ACOXL: variants seen among roughly 807,000 people sequenced by gnomAD.
The protein encoded by ACOXL is acyl-CoA oxidase like, also known as acyl-coenzyme A oxidase-like protein.
Under a neutral mutation model 71.9 loss-of-function variants are expected in ACOXL, and 70 were observed. That is an observed-to-expected ratio of 0.97 (90% CI 0.80 to 1.19). The LOEUF (loss-of-function observed/expected upper bound fraction) is 1.19, where lower values mean the gene tolerates loss of function less well. Ranked by LOEUF, ACOXL falls within the 50% of genes most tolerant of loss-of-function variation. ACOXL has a pLI of 0.00. For missense variants in ACOXL, 703 were observed against 736.3 expected, an observed-to-expected ratio of 0.95 and a Z score of 0.52; for synonymous variants, 253 against 281.6, an observed-to-expected ratio of 0.90 and a Z score of 1.02.
chr2:110,963,594 TGTGTGTG>T lies in ACOXL; in HGVS notation c.1060-23513_1060-23507del, dbSNP rs543117256. The T allele has an allele frequency of 6.6e-4, 1,065 of 1,602,942 alleles. 4 individuals carry two copies. The African/African-American group carries it at 9.0e-3, about 13-fold the overall frequency. On this transcript the variant is annotated intron_variant, in intron 12 of 17. Coordinates refer to ENST00000439055, the MANE Select transcript of ACOXL (RefSeq NM_001142807.4). ...GTGTGTGTGTGTGTGTGTGTGTGTG[TGTGTGTG>T]TGTTTTTCTCTTTCTGCAACAGGGT...
At chr2:110,865,446 A>G (rs1204452287) in intron 10 of ACOXL, among the ~76,000 whole-genome samples, 1 of 152,218 alleles carries the variant, frequency 6.6e-6, no homozygotes, top group African/African-American at 2.4e-5. Context: ...GAAACTATGC[A>G]TGGGTCTCAA....
At chr2:110,884,811 G>A (rs1697087952) in intron 10 of ACOXL, among the ~76,000 whole-genome samples, 1 of 151,972 alleles carries the variant, frequency 6.6e-6, no homozygotes, top group Non-Finnish European at 1.5e-5. Flanking sequence ...GAATTTCAAG[G>A]TGTTACCGAT....
chr2:110,910,367 C>T (rs2059611350), intron 11 of ACOXL, among the ~76,000 whole-genome samples: 1 of 152,186 alleles, frequency 6.6e-6, no homozygotes, highest in South Asian at 2.1e-4. Flanking sequence ...TAGTTTATCT[C>T]TTCTACTGAT....
At chr2:110,818,423 A>ATGTG (rs766770172) in intron 9 of ACOXL, among the ~76,000 whole-genome samples, 6 of 137,698 alleles carry the variant, frequency 4.4e-5, no homozygotes, top group African/African-American at 1.7e-4. Flanking sequence ...ATATATATAT[A>ATGTG]TGTGTGTGTG....
At position 110,967,515 on chromosome 2, in the gene ACOXL, A is replaced by G. The variant is rs75653517; in HGVS notation, c.1060-19593A>G. On this transcript the variant is annotated intron_variant, in intron 12 of 17. Transcript: ENST00000439055. ...GAGGAGGGCAAAGAGACCTAAATGG[A>G]GGTAAGGTTTCCACACTTCACTCAA... Among the ~76,000 whole-genome samples, 2,827 of 152,328 alleles carry G rather than the reference A, an allele frequency of 0.019. 315 individuals carry two copies. In the East Asian group the frequency reaches 0.32, roughly 17 times the overall value.
chr2:110,954,123 C>CTAAG (rs1441987403), intron 12 of ACOXL, among the ~76,000 whole-genome samples: 22 of 152,174 alleles, frequency 1.4e-4, no homozygotes, highest in Admixed American at 1.4e-3. Flanking sequence ...ATGTAGTTGA[C>CTAAG]TCCCTTTATC....
chr2:111,099,147 A>G (rs1287877988), intron 17 of ACOXL: 1 of 152,244 alleles, frequency 6.6e-6, no homozygotes, highest in Non-Finnish European at 1.5e-5. Flanking sequence ...TGAGGAGTTC[A>G]TATGCTTCTC....
At chr2:111,088,869 A>G (rs993647037) in intron 16 of ACOXL, among the ~76,000 whole-genome samples, 11 of 152,250 alleles carry the variant, frequency 7.2e-5, no homozygotes, top group African/African-American at 2.7e-4. Context: ...ACGAAAGACT[A>G]TTCCAGATAG....
At chr2:110,794,823 T>C (rs1003524354) in intron 5 of ACOXL, among the ~76,000 whole-genome samples, 11 of 152,136 alleles carry the variant, frequency 7.2e-5, no homozygotes, top group African/African-American at 2.4e-4. Flanking sequence ...TCTTGCTAAC[T>C]AAAAAGATGT....
chr2:110,858,805 CT>C (rs1436558387), intron 10 of ACOXL, among the ~76,000 whole-genome samples: 1 of 152,118 alleles, frequency 6.6e-6, no homozygotes, highest in Admixed American at 6.5e-5. Context: ...TTCCTTACAC[CT>C]TTTTCTGAGT....
intron 16 of ACOXL, among the ~76,000 whole-genome samples, chr2:111,049,774 T>G (rs922494373): frequency 3.9e-5 from 6 of 152,190 alleles, no homozygotes; most frequent in Admixed American, 3.9e-4. Context: ...TGCCCTTGAG[T>G]GGAAGACAAG....
chr2:110,901,197 C>G (rs775463055), intron 10 of ACOXL, among the ~76,000 whole-genome samples: 4 of 152,166 alleles, frequency 2.6e-5, no homozygotes, highest in African/African-American at 4.8e-5. Context: ...GGTTTTTGAT[C>G]TGGCATGAAC....
intron 11 of ACOXL, among the ~76,000 whole-genome samples, chr2:110,925,238 G>C (rs369385365): frequency 6.6e-6 from 1 of 152,182 alleles, no homozygotes; most frequent in Admixed American, 6.5e-5. Context: ...ATGACCATTG[G>C]CTTCAACTTA....
At chr2:111,023,222 A>G (rs988971041) in intron 14 of ACOXL, among the ~76,000 whole-genome samples, 1 of 152,028 alleles carries the variant, frequency 6.6e-6, no homozygotes, top group Admixed American at 6.6e-5. Flanking sequence ...GCACAGGGAG[A>G]TGAGAGGGGA....
chr2:111,096,067 A>G (rs545344841), intron 17 of ACOXL, among the ~76,000 whole-genome samples: 8 of 152,350 alleles, frequency 5.3e-5, no homozygotes, highest in Middle Eastern at 3.4e-3. Context: ...AAAGAAGATT[A>G]GAGGAGGCTG....
At chr2:111,031,200 T>C (rs2065247978) in intron 14 of ACOXL, among the ~76,000 whole-genome samples, 1 of 152,140 alleles carries the variant, frequency 6.6e-6, no homozygotes. Flanking sequence ...TGAGAAACAC[T>C]TTGGAAACAA....
intron 10 of ACOXL, among the ~76,000 whole-genome samples, chr2:110,852,809 G>A (rs1019848236): frequency 1.3e-5 from 2 of 152,126 alleles, no homozygotes; most frequent in Non-Finnish European, 2.9e-5. Flanking sequence ...AGCCTCAAGT[G>A]CCATGCAGAG....
intron 9 of ACOXL, among the ~76,000 whole-genome samples, chr2:110,805,863 C>T (rs1195892965): frequency 1.3e-5 from 2 of 152,204 alleles, no homozygotes; most frequent in Non-Finnish European, 2.9e-5. Context: ...GCCATCTCTG[C>T]CTCCCTGCCC....
chr2:110,935,867 C>T (rs11899348), intron 12 of ACOXL, among the ~76,000 whole-genome samples: 1,176 of 98,938 alleles, frequency 0.012, 15 homozygotes, highest in African/African-American at 0.042. Context: ...GTGGGGGGTG[C>T]GGGGTAGGGG....
Sources: allele counts gnomAD v4.1 joint callset (sites outside exome capture counted in the v4.1 genomes callset), GRCh38; gene constraint gnomAD v4.1.1; transcripts MANE v1.5; gene names NCBI Gene and HGNC (gene_info 2026-07-23, HGNC 2026-07-21).